Variants in MTG1 observed in about 807,000 individuals in gnomAD.
MTG1 encodes mitochondrial ribosome associated GTPase 1, also known as mitochondrial ribosome-associated GTPase 1.
MTG1 carries 30 observed loss-of-function variants against 39.5 expected under a neutral mutation model. The ratio of observed to expected loss-of-function variants is 0.76; its 90% CI spans 0.57 to 1.03. MTG1 has a LOEUF of 1.03. Ranked by LOEUF, MTG1 falls within the 50% of genes least tolerant of loss-of-function variation. MTG1 has a pLI of 0.00. For missense variants in MTG1, 513 were observed against 447.4 expected (o/e 1.15, Z -1.32); for synonymous variants, 217 against 179.0 (o/e 1.21, Z -1.69).
chr10:133,405,564 T>A (rs1564820814), intron 9 of MTG1, among the ~76,000 whole-genome samples: 1 of 152,214 alleles, frequency 6.6e-6, no homozygotes, highest in Non-Finnish European at 1.5e-5. Context: ...CGTTTTTAGC[T>A]CCCACATTTG....
chr10:133,419,126 C>T (rs1475781010), intron 9 of MTG1, among the ~76,000 whole-genome samples: 33 of 152,232 alleles, frequency 2.2e-4, no homozygotes, highest in Admixed American at 2.0e-3. Flanking sequence ...CCTGGGCCTG[C>T]ACAGAGGCCT....
At chr10:133,395,650 C>T in intron 1 of MTG1, 63 bp from the exon 2 acceptor site, 1 of 1,518,374 alleles carries the variant, frequency 6.6e-7, no homozygotes, top group Non-Finnish European at 9.1e-7. Flanking sequence ...GACGGTTCAG[C>T]TTGAATCGAT....
At chr10:133,407,196 A>T (rs899208478) in intron 9 of MTG1, among the ~76,000 whole-genome samples, 3 of 152,164 alleles carry the variant, frequency 2.0e-5, no homozygotes, top group African/African-American at 7.2e-5. Flanking sequence ...GTTTTTGGTT[A>T]CTACGAATAT....
At position 133,420,225 on chromosome 10, in the gene MTG1, G is replaced by T; in HGVS notation, c.*60G>T. ...CCTCCCAGACCTCCTGACCTGGGTG[G>T]TTGAGGCTCAAGACAGCTCACCCGG... On this transcript the variant is annotated 3_prime_UTR_variant, in exon 11 of 11. Transcript: ENST00000317502. 6.5e-7 allele frequency: 1 copy of T among 1,538,950 alleles called. No individual in the cohort carries two copies.
intron 6 of MTG1, 69 bp from the exon 7 acceptor site, chr10:133,401,460 T>C (rs1849873837): frequency 7.4e-7 from 1 of 1,357,838 alleles, no homozygotes; most frequent in South Asian, 1.4e-5. Flanking sequence ...GTTACATACG[T>C]CTCCCTACTT....
chr10:133,418,212 G>A (rs1850165113), intron 9 of MTG1, among the ~76,000 whole-genome samples: 1 of 152,212 alleles, frequency 6.6e-6, no homozygotes, highest in African/African-American at 2.4e-5. Context: ...CCATATTGGT[G>A]AACAGGCTGG....
In MTG1 at chr10:133,402,712, G is replaced by C; in HGVS notation, c.691G>C (p.Val231Leu). The change falls in exon 9 of 11, where the codon GTC becomes CTC. Residue 231 changes from valine to leucine, a missense_variant. Val to Leu is a conservative substitution (Grantham distance 32). Transcript: ENST00000317502. The surrounding 1 kb of genome is among the most constrained non-coding windows in gnomAD (Gnocchi z 4.7). ...ALCGTVLDHLVGEETMADYLL... is the reference protein window; with the variant it reads ...ALCGTVLDHLLGEETMADYLL... ...CACAGGAACGGTGCTGGACCACCTG[G>C]TCGGGGAGGAGACCATGGCTGACTA... is the stretch of plus-strand genomic sequence containing the variant. 1.2e-6 allele frequency: 2 copies of C among 1,607,786 alleles called. No homozygotes were observed. Among genetic ancestry groups the C allele is most frequent in the Non-Finnish European group, 1.7e-6 (2 of 1,177,462 alleles).
rs7072941 is a variant in MTG1 at position 133,395,792 on chromosome 10, A to G, written c.177+15A>G. Reference sequence around the variant, plus strand: ...ACGATGCCCGGATATCCTTTCACAGAGCAGGGGAGGCCCCTCTGCCTGAAG... The same window carrying G: ...ACGATGCCCGGATATCCTTTCACAGGGCAGGGGAGGCCCCTCTGCCTGAAG... On this transcript the variant is annotated intron_variant, in intron 2 of 10. Coordinates refer to ENST00000317502, the MANE Select transcript of MTG1 (RefSeq NM_138384.4). 2.6e-3 allele frequency: 4,121 copies of G among 1,613,276 alleles called. 102 individuals are homozygous for G. The African/African-American group carries it at 0.048, about 19-fold the overall frequency.
At chr10:133,395,123 C>T (rs1241111922) in intron 1 of MTG1, among the ~76,000 whole-genome samples, 2 of 152,150 alleles carry the variant, frequency 1.3e-5, no homozygotes, top group Admixed American at 6.5e-5. Flanking sequence ...GGGCCCGGCC[C>T]GGTGGCTCAC....
chr10:133,403,426 C>T (rs1849917032), intron 9 of MTG1, among the ~76,000 whole-genome samples: 1 of 152,178 alleles, frequency 6.6e-6, no homozygotes, highest in African/African-American at 2.4e-5. Context: ...TCCCTGTGCT[C>T]CTTCGTGATC....
intron 1 of MTG1, chr10:133,394,711 G>A (rs1589906461): frequency 9.5e-7 from 1 of 1,052,462 alleles, no homozygotes. Flanking sequence ...AGTCTTTTGG[G>A]GACTAAATGA....
intron 9 of MTG1, among the ~76,000 whole-genome samples, chr10:133,417,996 A>C (rs754301844): frequency 1.3e-5 from 2 of 152,046 alleles, no homozygotes; most frequent in Non-Finnish European, 2.9e-5. Context: ...GCTACCAATG[A>C]CTTTCTTTTT....
chr10:133,397,456 T>C (rs1820209948), intron 3 of MTG1, among the ~76,000 whole-genome samples: 1 of 151,416 alleles, frequency 6.6e-6, no homozygotes. Flanking sequence ...GTCTTTTCTT[T>C]TATCTCTTTG....
Position 133,396,231 on chromosome 10 carries a change from C to T in MTG1, c.246C>T (p.Leu82=). The change falls in exon 3 of 11, where the codon CTC becomes CTT. Residue 82 remains leucine, a synonymous_variant. Coordinates refer to ENST00000317502, the MANE Select transcript of MTG1 (RefSeq NM_138384.4). ...GGCTTAAGCCTCACTTGCTGGTCCT[C>T]AACAAGATGGACTTGGCGGATCTTA... ...TLGLKPHLLV[L]NKMDLADLTE... 1.9e-6 allele frequency: 3 copies of T among 1,614,174 alleles called. No homozygotes were observed. Among genetic ancestry groups the T allele is most frequent in the Non-Finnish European group, 2.5e-6 (3 of 1,180,014 alleles).
At chr10:133,408,646 T>G (rs188881063) in intron 9 of MTG1, among the ~76,000 whole-genome samples, 1 of 152,242 alleles carries the variant, frequency 6.6e-6, no homozygotes, top group Admixed American at 6.5e-5. Flanking sequence ...CCTTAACTGT[T>G]GATAGTTCAG....
intron 1 of MTG1, 138 bp downstream of exon 1, chr10:133,394,470 C>G: frequency 9.7e-6 from 13 of 1,334,564 alleles, no homozygotes; most frequent in Non-Finnish European, 1.2e-5. Flanking sequence ...GTCTCCCCTC[C>G]TTCCCCGCTC....
intron 9 of MTG1, among the ~76,000 whole-genome samples, chr10:133,416,388 A>ATAT (rs1564823490): frequency 1.7e-5 from 2 of 119,928 alleles, no homozygotes; most frequent in East Asian, 7.0e-4. Flanking sequence ...ATATATATAT[A>ATAT]TTTTTCTTTT....
intron 6 of MTG1, among the ~76,000 whole-genome samples, chr10:133,400,289 C>T (rs1263859319): frequency 6.6e-6 from 1 of 152,254 alleles, no homozygotes; most frequent in Non-Finnish European, 1.5e-5. Flanking sequence ...AGGGAGGCTG[C>T]AAGGCCATTC....
chr10:133,418,625 G>A (rs967800840), intron 9 of MTG1, among the ~76,000 whole-genome samples: 2 of 152,094 alleles, frequency 1.3e-5, no homozygotes, highest in South Asian at 2.1e-4. Context: ...CTGAGCTCAT[G>A]TCTTGCTTTG....
Sources: allele counts gnomAD v4.1 joint callset (sites outside exome capture counted in the v4.1 genomes callset), GRCh38; gene constraint gnomAD v4.1.1; non-coding constraint Gnocchi (gnomAD v3.1); transcripts MANE v1.5; gene names NCBI Gene and HGNC (gene_info 2026-07-23, HGNC 2026-07-21).